Variants in ASIC5 observed in about 807,000 individuals in gnomAD.
ASIC5 encodes acid sensing ion channel subunit family member 5, also known as bile acid-sensitive ion channel.
In ASIC5, 52 loss-of-function variants were observed where a neutral mutation model predicts 51.2. That is an observed-to-expected ratio of 1.02 (90% CI 0.81 to 1.28). ASIC5 has a LOEUF of 1.28. ASIC5 is among the 50% of genes most tolerant of loss of function. The pLI is 0.00. For missense variants in ASIC5, 635 were observed against 595.0 expected, an observed-to-expected ratio of 1.07 and a Z score of -0.70; for synonymous variants, 231 against 200.7, an observed-to-expected ratio of 1.15 and a Z score of -1.28.
chr4:155,860,250 T>C (rs538967207), intron 2 of ASIC5, among the ~76,000 whole-genome samples: 7 of 152,018 alleles, frequency 4.6e-5, no homozygotes, highest in African/African-American at 1.7e-4. Context: ...AATATAATGA[T>C]ATATAATACT....
Position 155,843,692 on chromosome 4 carries a change from G to A in ASIC5, c.850C>T (p.Arg284Cys), listed in dbSNP as rs61753634. ...ACTCGAGTATTTACCTTCACTTGGCGGATGGTTACCCTTGCGTGCATTCCC... is the reference window on the plus strand; with the variant it reads ...ACTCGAGTATTTACCTTCACTTGGCAGATGGTTACCCTTGCGTGCATTCCC... ...PVGMHARVTI[R>C]QVKTVHQEYP... The change falls in exon 5 of 10, where the codon CGC (arginine) becomes TGC (cysteine). Residue 284 changes from arginine (R) to cysteine (C), a missense_variant. Physicochemically the swap from Arg to Cys is radical, Grantham distance 180. Transcript: ENST00000537611. 194 of 1,613,212 alleles carry A rather than the reference G, an allele frequency of 1.2e-4. 1 individual carries two copies. In the African/African-American group the frequency reaches 1.4e-3, roughly 12 times the overall value.
chr4:155,848,165 T>A (rs1403657397), intron 4 of ASIC5, among the ~76,000 whole-genome samples: 12 of 151,946 alleles, frequency 7.9e-5, no homozygotes, highest in African/African-American at 2.9e-4. Context: ...TTTTCTTTTT[T>A]TAAAAAAAAA....
chr4:155,835,348 C>A (rs1051019398), intron 8 of ASIC5, among the ~76,000 whole-genome samples: 1 of 151,812 alleles, frequency 6.6e-6, no homozygotes, highest in South Asian at 2.1e-4. Context: ...CGAGCAACAC[C>A]CTGTTGCACA....
chr4:155,863,165 A>G lies in ASIC5; in HGVS notation c.347+283T>C, dbSNP rs1252177404. Reference sequence around the variant, plus strand: ...TGAGAATAGTCTGGGCAATGTAGTGAAACCCCCATCTCTTTTACATCTATT... The same window carrying G: ...TGAGAATAGTCTGGGCAATGTAGTGGAACCCCCATCTCTTTTACATCTATT... On this transcript the variant is annotated intron_variant, in intron 2 of 9. Coordinates refer to ENST00000537611, the MANE Select transcript of ASIC5 (RefSeq NM_017419.3). Among the ~76,000 whole-genome samples, 4 of 152,194 alleles carry G rather than the reference A, an allele frequency of 2.6e-5. No homozygotes were observed. The South Asian group carries it at 6.2e-4, about 24-fold the overall frequency.
chr4:155,831,756 A>G (rs572269829), intron 9 of ASIC5, 68 bp downstream of exon 9: 442 of 1,057,746 alleles, frequency 4.2e-4, no homozygotes, highest in Non-Finnish European at 5.7e-4. Context: ...CCTGGGCTAC[A>G]GAGCGAGATT....
intron 4 of ASIC5, among the ~76,000 whole-genome samples, chr4:155,845,040 C>T (rs1300741239): frequency 6.6e-6 from 1 of 151,702 alleles, no homozygotes; most frequent in African/African-American, 2.4e-5. Context: ...CAAAGGGGAA[C>T]TCTAAACTAT....
At chr4:155,864,172 GC>G (rs1328650868) in intron 1 of ASIC5, among the ~76,000 whole-genome samples, 1 of 152,142 alleles carries the variant, frequency 6.6e-6, no homozygotes, top group Non-Finnish European at 1.5e-5. Flanking sequence ...CCTAAGTATG[GC>G]TAAAAGTAAT....
chr4:155,833,402 T>A (rs1740912667), intron 8 of ASIC5, among the ~76,000 whole-genome samples: 1 of 152,244 alleles, frequency 6.6e-6, no homozygotes, highest in African/African-American at 2.4e-5. Context: ...TCACTCTCCT[T>A]AATGTTTACA....
At chr4:155,863,851 G>A (rs1315434703) in intron 1 of ASIC5, 97 bp from the exon 2 acceptor site, 1 of 976,530 alleles carries the variant, frequency 1.0e-6, no homozygotes, top group Non-Finnish European at 1.5e-6. Flanking sequence ...ATTTAAAGAG[G>A]TGACTCTTTT....
chr4:155,844,538 G>A (rs905578335), intron 4 of ASIC5, among the ~76,000 whole-genome samples: 7 of 151,942 alleles, frequency 4.6e-5, no homozygotes, highest in African/African-American at 9.7e-5. Context: ...CACTTAGAGC[G>A]CTCAGAAATC....
In ASIC5 at chr4:155,866,272, A is replaced by T; in HGVS notation, c.-46T>A. The stretch of plus-strand genomic sequence containing the variant: ...GAGTCCTCAGGGTAACCCAATTTTC[A>T]TCAATAACAGTATTCATTTTGTGCC... On this transcript the variant is annotated 5_prime_UTR_variant, in exon 1 of 10. It removes an upstream start codon present in the reference 5' UTR. Coordinates refer to ENST00000537611, the MANE Select transcript of ASIC5 (RefSeq NM_017419.3). 7.1e-7 allele frequency: 1 copy of T among 1,406,172 alleles called. No individual in the cohort carries two copies. 87.1% of individuals were successfully genotyped at this position (1,406,172 alleles called of 1,614,324 possible).
intron 9 of ASIC5, among the ~76,000 whole-genome samples, chr4:155,830,611 A>G (rs1310406912): frequency 6.6e-6 from 1 of 152,162 alleles, no homozygotes; most frequent in Non-Finnish European, 1.5e-5. Context: ...AAAATTTACC[A>G]TGTTAACCAT....
Position 155,829,930 on chromosome 4 carries a change from T to G in ASIC5, c.1444A>C (p.Ile482Leu). ...GGAGTCCACTGGGTCATTTCAGATATCTTCAGCAAAAAGAAAATGCATATC... is the reference window on the plus strand; with the variant it reads ...GGAGTCCACTGGGTCATTTCAGATAGCTTCAGCAAAAAGAAAATGCATATC... The part of the protein sequence containing the change: ...YWICIFFLLK[I>L]SEMTQWTPPP... The change falls in exon 10 of 10, where the codon ATA (isoleucine) becomes CTA (leucine). Residue 482 changes from isoleucine to leucine, a missense_variant. Transcript: ENST00000537611. 6.2e-7 allele frequency: 1 copy of G among 1,608,578 alleles called. No homozygotes were observed. The highest frequency in any genetic ancestry group is 1.9e-4 in the Middle Eastern group (1 of 5,348).
At chr4:155,832,030 C>T in intron 8 of ASIC5, 115 bp from the exon 9 acceptor site, 4 of 551,474 alleles carry the variant, frequency 7.3e-6, no homozygotes, top group Non-Finnish European at 1.3e-5. Flanking sequence ...GTTAAACTGA[C>T]ACAGAATTGT....
At chr4:155,864,443 T>A (rs1741807128) in intron 1 of ASIC5, 2 of 152,138 alleles carry the variant, frequency 1.3e-5, no homozygotes, top group Admixed American at 6.6e-5. Context: ...AACACTAAAT[T>A]TTTTTGGCAA....
At chr4:155,858,865 C>G (rs1167336458) in intron 2 of ASIC5, 1 of 151,970 alleles carries the variant, frequency 6.6e-6, no homozygotes, top group Admixed American at 6.6e-5. Flanking sequence ...TAAACATAGA[C>G]CAGAGGAAGA....
intron 1 of ASIC5, 108 bp from the exon 2 acceptor site, chr4:155,863,862 T>A: frequency 4.7e-6 from 4 of 859,340 alleles, no homozygotes; most frequent in Non-Finnish European, 7.0e-6. Context: ...TGACTCTTTT[T>A]ACTTGTAATT....
intron 8 of ASIC5, among the ~76,000 whole-genome samples, chr4:155,836,253 G>A (rs1162470026): frequency 6.6e-6 from 1 of 152,162 alleles, no homozygotes; most frequent in African/African-American, 2.4e-5. Flanking sequence ...TACCTTCACA[G>A]AACCATTTCT....
chr4:155,838,440 C>T (rs1741041787), intron 7 of ASIC5, among the ~76,000 whole-genome samples: 1 of 152,120 alleles, frequency 6.6e-6, no homozygotes, highest in South Asian at 2.1e-4. Flanking sequence ...GGACTATTCC[C>T]AATCAGTGAG....
Sources: allele counts gnomAD v4.1 joint callset (sites outside exome capture counted in the v4.1 genomes callset), GRCh38; gene constraint gnomAD v4.1.1; transcripts MANE v1.5; gene names NCBI Gene and HGNC (gene_info 2026-07-23, HGNC 2026-07-21).